Variants in SAMTOR observed in about 807,000 individuals in gnomAD.
SAMTOR encodes S-adenosylmethionine sensor upstream of mTORC1.
chr7:112,844,271 C>A, the SAMTOR span, among the ~76,000 whole-genome samples: 1 of 152,034 alleles, frequency 6.6e-6, no homozygotes, highest in African/African-American at 2.4e-5. Context: ...GGAGTCCTGT[C>A]CAGAGCAATC....
chr7:112,896,864 A>C, the SAMTOR span, among the ~76,000 whole-genome samples: 1 of 152,368 alleles, frequency 6.6e-6, no homozygotes, highest in Admixed American at 6.5e-5. Context: ...AGGAAAGTAA[A>C]GTAGAGTGGA....
the SAMTOR span, among the ~76,000 whole-genome samples, chr7:112,880,349 A>G: frequency 3.3e-5 from 5 of 152,188 alleles, no homozygotes; most frequent in Non-Finnish European, 7.3e-5. Flanking sequence ...ACGATCATAC[A>G]GTATTTCTTT....
At chr7:112,836,582 T>C in the SAMTOR span, among the ~76,000 whole-genome samples, 2 of 152,128 alleles carry the variant, frequency 1.3e-5, no homozygotes, top group African/African-American at 4.8e-5. Context: ...CTAGGTTATC[T>C]TCCAAGGTTT....
chr7:112,822,092 C>CA, the SAMTOR span: 1 of 1,613,600 alleles, frequency 6.2e-7, no homozygotes, highest in African/African-American at 1.3e-5. Flanking sequence ...TCCAGCTTTT[C>CA]ATCATCATAG....
chr7:112,893,573 C>T, the SAMTOR span, among the ~76,000 whole-genome samples: 1 of 152,222 alleles, frequency 6.6e-6, no homozygotes, highest in Non-Finnish European at 1.5e-5. Flanking sequence ...ACTTTCTCCA[C>T]ATCCACAATC....
the SAMTOR span, among the ~76,000 whole-genome samples, chr7:112,865,119 A>G: frequency 3.3e-5 from 5 of 152,184 alleles, no homozygotes; most frequent in African/African-American, 1.2e-4. Context: ...GGTTAGATTT[A>G]AAATTAACGC....
chr7:112,915,305 C>T, the SAMTOR span: 2 of 1,606,052 alleles, frequency 1.2e-6, no homozygotes, highest in Non-Finnish European at 1.7e-6. Flanking sequence ...AAAGTACTTA[C>T]CTACAACACC....
At chr7:112,904,309 T>C in the SAMTOR span, among the ~76,000 whole-genome samples, 5 of 152,076 alleles carry the variant, frequency 3.3e-5, no homozygotes, top group East Asian at 1.9e-4. Context: ...AAGAAAACCA[T>C]AGTAAAAACC....
At chr7:112,871,742 A>T in the SAMTOR span, among the ~76,000 whole-genome samples, 1 of 152,242 alleles carries the variant, frequency 6.6e-6, no homozygotes, top group Non-Finnish European at 1.5e-5. Context: ...TTGACAGACC[A>T]CTAGTTAAAC....
the SAMTOR span, chr7:112,895,642 T>A: frequency 6.3e-7 from 1 of 1,598,314 alleles, no homozygotes; most frequent in Admixed American, 1.7e-5. Context: ...TCATGCATAT[T>A]TAAGGCTGGA....
the SAMTOR span, among the ~76,000 whole-genome samples, chr7:112,882,761 T>G: frequency 2.6e-5 from 1 of 38,684 alleles, no homozygotes; most frequent in African/African-American, 7.0e-5. Flanking sequence ...TGTAACATCT[T>G]TTTTTAAAAA....
the SAMTOR span, among the ~76,000 whole-genome samples, chr7:112,844,172 A>T: frequency 3.5e-4 from 53 of 152,240 alleles, no homozygotes; most frequent in African/African-American, 1.2e-3. Context: ...CCAACATTAT[A>T]CTGAATAGGC....
At chr7:112,827,194 A>C in the SAMTOR span, among the ~76,000 whole-genome samples, 3 of 152,160 alleles carry the variant, frequency 2.0e-5, no homozygotes, top group African/African-American at 7.2e-5. Context: ...CTTATGGGCA[A>C]CATATATTTG....
At chr7:112,930,829 C>T in the SAMTOR span, among the ~76,000 whole-genome samples, 4 of 152,098 alleles carry the variant, frequency 2.6e-5, no homozygotes, top group Non-Finnish European at 2.9e-5. Flanking sequence ...TGAAGTAGAG[C>T]GATTAAGTAA....
chr7:112,833,828 T>A, the SAMTOR span, among the ~76,000 whole-genome samples: 1 of 152,196 alleles, frequency 6.6e-6, no homozygotes, highest in Non-Finnish European at 1.5e-5. Flanking sequence ...CCTTAATTTT[T>A]TATTTGCATA....
chr7:112,836,198 T>C, the SAMTOR span, among the ~76,000 whole-genome samples: 1 of 152,318 alleles, frequency 6.6e-6, no homozygotes, highest in Non-Finnish European at 1.5e-5. Context: ...TGTGAGATGG[T>C]ATCTCACTGT....
At chr7:112,855,452 C>G in the SAMTOR span, among the ~76,000 whole-genome samples, 1 of 152,118 alleles carries the variant, frequency 6.6e-6, no homozygotes, top group South Asian at 2.1e-4. Context: ...GGTCTGGGCT[C>G]TTATCTAGGG....
the SAMTOR span, among the ~76,000 whole-genome samples, chr7:112,923,380 C>A: frequency 6.6e-6 from 1 of 151,994 alleles, no homozygotes. Flanking sequence ...AACCAGAGAC[C>A]TTTGTTCACT....
chr7:112,897,775 G>A, the SAMTOR span, among the ~76,000 whole-genome samples: 1 of 152,114 alleles, frequency 6.6e-6, no homozygotes, highest in African/African-American at 2.4e-5. Context: ...TGGCCAAACA[G>A]AATCTTCCAG....
Sources: allele counts gnomAD v4.1 joint callset (sites outside exome capture counted in the v4.1 genomes callset), GRCh38; gene constraint gnomAD v4.1.1; transcripts MANE v1.5; gene names NCBI Gene and HGNC (gene_info 2026-07-23, HGNC 2026-07-21).